Variants in PLCL2 observed in about 807,000 individuals in gnomAD.
PLCL2 encodes inactive phospholipase C-like protein 2.
PLCL2 carries 4 observed loss-of-function variants against 79.6 expected under a neutral mutation model. The observed-to-expected ratio is 0.05, with a 90% CI of 0.02 to 0.11. PLCL2 has a LOEUF of 0.11. Among genes scored for constraint, PLCL2 ranks in the 10% least tolerant of loss-of-function variants. PLCL2 has a pLI of 1.00. For missense variants in PLCL2, 895 were observed against 1,291.0 expected (o/e 0.69, Z 4.70); for synonymous variants, 484 against 457.7 (o/e 1.06, Z -0.73).
chr3:16,892,645 T>G (rs984597739), intron 1 of PLCL2, among the ~76,000 whole-genome samples: 1 of 152,194 alleles, frequency 6.6e-6, no homozygotes, highest in African/African-American at 2.4e-5. Context: ...AGGAGTGCGA[T>G]CTCTAATTCC....
chr3:16,893,024 A>G (rs1696387703), intron 1 of PLCL2, among the ~76,000 whole-genome samples: 2 of 152,204 alleles, frequency 1.3e-5, no homozygotes, highest in South Asian at 4.1e-4. Flanking sequence ...TTCTACCAGT[A>G]CTAAAATAGA....
intron 5 of PLCL2, among the ~76,000 whole-genome samples, chr3:17,088,195 C>T (rs1289603034): frequency 1.3e-5 from 2 of 152,162 alleles, no homozygotes; most frequent in East Asian, 1.9e-4. Context: ...AATTTGATCT[C>T]ACCAGTGGCT....
intron 1 of PLCL2, among the ~76,000 whole-genome samples, chr3:17,005,492 A>C (rs2064252663): frequency 6.6e-6 from 1 of 152,234 alleles, no homozygotes; most frequent in Non-Finnish European, 1.5e-5. Context: ...TCTATTAAAT[A>C]AAGTAGGCAG....
At position 17,035,973 on chromosome 3, in the gene PLCL2, TC is replaced by T. The variant is rs555552221; in HGVS notation, c.3019-6895del. ...CAACTTTCTTTTATATAGGGTTTTT[TC>T]CCCCCTATAATTTGCGTAGTGGAAG... On this transcript the variant is annotated intron_variant, in intron 3 of 5. Transcript: ENST00000615277. 1.2e-3 allele frequency among the ~76,000 whole-genome samples: 190 copies of T among 152,250 alleles called. 4 individuals carry two copies. The highest frequency in any genetic ancestry group is 0.011 in the Admixed American group (161 of 15,288).
chr3:16,888,620 C>A (rs1696277437), intron 1 of PLCL2, among the ~76,000 whole-genome samples: 2 of 152,310 alleles, frequency 1.3e-5, no homozygotes, highest in South Asian at 2.1e-4. Context: ...TAATTCATTT[C>A]ATCACTCTAT....
chr3:16,942,893 A>G (rs1243368638), intron 1 of PLCL2, among the ~76,000 whole-genome samples: 1 of 152,202 alleles, frequency 6.6e-6, no homozygotes. Flanking sequence ...TAAAAATGAT[A>G]GTGTTCCTTA....
chr3:16,962,168 A>G (rs190800265), intron 1 of PLCL2, among the ~76,000 whole-genome samples: 61 of 152,368 alleles, frequency 4.0e-4, no homozygotes, highest in Admixed American at 7.8e-4. Context: ...AGGAATAGAC[A>G]GTTGAAAGAA....
At chr3:17,027,347 T>G (rs1297045833) in intron 3 of PLCL2, among the ~76,000 whole-genome samples, 2 of 152,224 alleles carry the variant, frequency 1.3e-5, no homozygotes, top group Non-Finnish European at 2.9e-5. Context: ...CATATGAACT[T>G]CAAATTTTGC....
chr3:17,030,856 A>C (rs1016777357), intron 3 of PLCL2, among the ~76,000 whole-genome samples: 1 of 152,234 alleles, frequency 6.6e-6, no homozygotes, highest in African/African-American at 2.4e-5. Flanking sequence ...GACTATGATT[A>C]AATTACCTTC....
intron 1 of PLCL2, among the ~76,000 whole-genome samples, chr3:16,987,372 C>G (rs772167326): frequency 1.3e-5 from 2 of 152,080 alleles, no homozygotes; most frequent in Non-Finnish European, 2.9e-5. Context: ...CTTGGTAACC[C>G]CAGAGCCCAG....
chr3:16,938,333 A>G (rs774346470), intron 1 of PLCL2, among the ~76,000 whole-genome samples: 4 of 152,244 alleles, frequency 2.6e-5, no homozygotes, highest in Non-Finnish European at 5.9e-5. Context: ...TCCAATGATC[A>G]TTTCAATAAT....
chr3:17,012,180 C>T lies in PLCL2; in HGVS notation c.2814+20C>T, dbSNP rs773900767. The T allele has an allele frequency of 6.3e-7, 1 of 1,584,540 alleles. No individual in the cohort carries two copies. Among genetic ancestry groups the T allele is most frequent in the Admixed American group, 1.8e-5 (1 of 55,518 alleles). On this transcript the variant is annotated intron_variant, in intron 2 of 5. Transcript: ENST00000615277. ...ATGCAGGTGCGTGCTTGTGTTTAAT[C>T]ATTTACTCAATGGTTTTCCTACTTT...
chr3:16,891,119 C>T (rs964716198), intron 1 of PLCL2, among the ~76,000 whole-genome samples: 10 of 152,128 alleles, frequency 6.6e-5, no homozygotes, highest in Non-Finnish European at 1.2e-4. Context: ...CCACATGTTG[C>T]GTATCTGGAT....
chr3:17,026,182 T>C lies in PLCL2; in HGVS notation c.3018+11271T>C, dbSNP rs564869139. The stretch of plus-strand genomic sequence containing the variant: ...ATAAAAATAGCATTTAATAATGGTT[T>C]TAAGCCTTTTCTAACTTAATTAGGG... On this transcript the variant is annotated intron_variant, in intron 3 of 5. Transcript: ENST00000615277. Among the ~76,000 whole-genome samples, 4 of 152,322 alleles carry C rather than the reference T, an allele frequency of 2.6e-5. No homozygotes were observed. The South Asian group carries it at 8.3e-4, about 32-fold the overall frequency.
rs2063604573 is a variant in PLCL2 at position 16,946,837 on chromosome 3, T to G, written c.327+61471T>G. The stretch of plus-strand genomic sequence containing the variant: ...TTACTTCAAATTTCTTATAATATTT[T>G]AAAATTATTAATAGTTTCTTTCCAC... On this transcript the variant is annotated intron_variant, in intron 1 of 5. Coordinates refer to ENST00000615277, the MANE Select transcript of PLCL2 (RefSeq NM_001144382.2). 2.0e-5 allele frequency among the ~76,000 whole-genome samples: 3 copies of G among 151,864 alleles called. No homozygotes were observed. In the South Asian group the frequency reaches 6.2e-4, roughly 31 times the overall value.
intron 1 of PLCL2, among the ~76,000 whole-genome samples, chr3:16,997,532 C>CTT (rs747893839): frequency 0.074 from 9,707 of 131,594 alleles, 585 homozygotes; most frequent in Non-Finnish European, 0.12. Flanking sequence ...AATTTCTTTT[C>CTT]TTTTTTTTTT....
At chr3:17,081,263 T>C (rs914964297) in intron 5 of PLCL2, 2 of 456,658 alleles carry the variant, frequency 4.4e-6, no homozygotes, top group Non-Finnish European at 8.8e-6. Flanking sequence ...CTCCTTCTCC[T>C]CCCTCACACT....
chr3:17,070,589 T>G (rs2065052252), intron 5 of PLCL2, among the ~76,000 whole-genome samples: 2 of 152,216 alleles, frequency 1.3e-5, no homozygotes, highest in Non-Finnish European at 2.9e-5. Context: ...GTGTCATTTC[T>G]GTAGAATGGG....
At chr3:16,885,632 G>A (rs770080168) in intron 1 of PLCL2, among the ~76,000 whole-genome samples, 8 of 152,242 alleles carry the variant, frequency 5.3e-5, no homozygotes, top group Non-Finnish European at 8.8e-5. Context: ...TCTGGCATTA[G>A]GGCCTTGTAC....
Sources: gnomAD v4.1 joint callset for allele counts (sites outside exome capture counted in the v4.1 genomes callset) on GRCh38, gnomAD v4.1.1 for gene constraint, MANE v1.5 for transcripts, NCBI Gene and HGNC (gene_info 2026-07-23, HGNC 2026-07-21) for gene names.